Variants in CAB39 observed in about 807,000 individuals in gnomAD.
CAB39 encodes calcium-binding protein 39.
Under a neutral mutation model 40.0 loss-of-function variants are expected in CAB39, and 8 were observed. The ratio of observed to expected loss-of-function variants is 0.20; its 90% CI spans 0.12 to 0.36. The LOEUF is 0.36. Ranked by LOEUF, CAB39 falls within the 10% of genes least tolerant of loss-of-function variation. The pLI is 1.00. For missense variants in CAB39, 270 were observed against 401.1 expected, an observed-to-expected ratio of 0.67 and a Z score of 2.79; for synonymous variants, 156 against 141.6, an observed-to-expected ratio of 1.10 and a Z score of -0.72.
chr2:230,790,959 G>C lies in CAB39; in HGVS notation c.202G>C (p.Ala68Pro). 6.2e-7 allele frequency: 1 copy of C among 1,612,756 alleles called. No homozygotes were observed. Among genetic ancestry groups the C allele is most frequent in the Non-Finnish European group, 8.5e-7 (1 of 1,178,804 alleles). Residue 68 changes from alanine to proline, a missense_variant, in exon 3 of 9, where the codon GCT (alanine) becomes CCT (proline). Transcript: ENST00000258418. ...NEKEPQTEAV[A>P]QLAQELYNSG... ...AAAAGAGCCTCAGACAGAAGCAGTA[G>C]CTCAACTTGCTCAAGAACTCTATAA...
intron 4 of CAB39, among the ~76,000 whole-genome samples, chr2:230,797,345 T>A (rs902449430): frequency 6.6e-6 from 1 of 152,162 alleles, no homozygotes; most frequent in African/African-American, 2.4e-5. Flanking sequence ...TTAAATAATA[T>A]TTATGATTCA....
intron 5 of CAB39, among the ~76,000 whole-genome samples, chr2:230,805,328 A>G (rs1309031544): frequency 6.6e-6 from 1 of 152,148 alleles, no homozygotes; most frequent in Non-Finnish European, 1.5e-5. Context: ...GCAGCAAACC[A>G]ACATGGCACA....
At chr2:230,815,402 G>A (rs549137425) in intron 7 of CAB39, among the ~76,000 whole-genome samples, 4 of 152,298 alleles carry the variant, frequency 2.6e-5, no homozygotes, top group Admixed American at 2.0e-4. Context: ...CTGGACATCA[G>A]TGTGTGAGAG....
At chr2:230,765,121 G>A (rs1243234454) in intron 2 of CAB39, among the ~76,000 whole-genome samples, 1 of 152,030 alleles carries the variant, frequency 6.6e-6, no homozygotes, top group Non-Finnish European at 1.5e-5. Context: ...CAAGTAGCTG[G>A]GACTACAGGC....
intron 1 of CAB39, among the ~76,000 whole-genome samples, chr2:230,745,719 C>T (rs901618490): frequency 6.6e-6 from 1 of 152,022 alleles, no homozygotes; most frequent in Non-Finnish European, 1.5e-5. Context: ...CTCCACCTCC[C>T]GGGTTAAAGC....
chr2:230,723,517 G>C (rs367975652), intron 1 of CAB39, among the ~76,000 whole-genome samples: 1 of 152,080 alleles, frequency 6.6e-6, no homozygotes. Flanking sequence ...TACGTTCCTG[G>C]AGTGTGTTGC....
intron 2 of CAB39, among the ~76,000 whole-genome samples, chr2:230,773,862 G>A (rs1217961335): frequency 6.6e-6 from 1 of 152,192 alleles, no homozygotes; most frequent in Non-Finnish European, 1.5e-5. Flanking sequence ...ACAGTAAGTG[G>A]AAGCTGACTT....
At chr2:230,747,586 A>C (rs746861674) in intron 1 of CAB39, among the ~76,000 whole-genome samples, 15 of 152,264 alleles carry the variant, frequency 9.9e-5, no homozygotes, top group Non-Finnish European at 5.9e-5. Context: ...CACAGTGGTC[A>C]TTTTGCAGTT....
intron 1 of CAB39, among the ~76,000 whole-genome samples, chr2:230,748,326 T>C (rs937929638): frequency 1.3e-5 from 2 of 152,156 alleles, no homozygotes; most frequent in African/African-American, 4.8e-5. Flanking sequence ...GAGTCAAATT[T>C]TGATAGATGA....
intron 1 of CAB39, among the ~76,000 whole-genome samples, chr2:230,748,831 A>AATAT (rs71052546): frequency 0.025 from 694 of 28,316 alleles, 25 homozygotes; most frequent in South Asian, 0.033. Flanking sequence ...AAAAAAAAAA[A>AATAT]ATATATATAT....
intron 2 of CAB39, among the ~76,000 whole-genome samples, chr2:230,777,678 G>C (rs895601535): frequency 1.3e-5 from 2 of 151,920 alleles, no homozygotes; most frequent in Non-Finnish European, 2.9e-5. Flanking sequence ...CAAAGTGCTG[G>C]GATTACAGGT....
intron 4 of CAB39, among the ~76,000 whole-genome samples, chr2:230,794,524 T>C (rs1182266930): frequency 2.0e-5 from 3 of 152,218 alleles, no homozygotes; most frequent in African/African-American, 7.2e-5. Flanking sequence ...CATTTTTCAC[T>C]TCAGAGTAAT....
At chr2:230,742,171 G>T (rs538690472) in intron 1 of CAB39, among the ~76,000 whole-genome samples, 20 of 152,040 alleles carry the variant, frequency 1.3e-4, no homozygotes, top group Admixed American at 4.6e-4. Context: ...TTGTTTGTTT[G>T]TTTGTTTGTT....
chr2:230,772,945 C>A (rs1695510234), intron 2 of CAB39, among the ~76,000 whole-genome samples: 2 of 138,600 alleles, frequency 1.4e-5, no homozygotes, highest in African/African-American at 5.5e-5. Flanking sequence ...GATAAACCAA[C>A]TGTAGTACAT....
At chr2:230,773,364 T>C (rs1165121044) in intron 2 of CAB39, among the ~76,000 whole-genome samples, 1 of 145,012 alleles carries the variant, frequency 6.9e-6, no homozygotes, top group Admixed American at 6.9e-5. Flanking sequence ...TTAGGTACTT[T>C]AAATATGTGG....
chr2:230,752,326 G>C (rs1344828101), intron 1 of CAB39: 1 of 152,034 alleles, frequency 6.6e-6, no homozygotes, highest in Non-Finnish European at 1.5e-5. Flanking sequence ...CTCTGTCGTA[G>C]TCCATTTGTG....
At chr2:230,765,316 C>T (rs1695367520) in intron 2 of CAB39, among the ~76,000 whole-genome samples, 1 of 152,034 alleles carries the variant, frequency 6.6e-6, no homozygotes, top group Admixed American at 6.6e-5. Context: ...TAAAGTTTGG[C>T]GTCACTGCCT....
chr2:230,768,652 A>G (rs573869298), intron 2 of CAB39, among the ~76,000 whole-genome samples: 1 of 152,352 alleles, frequency 6.6e-6, no homozygotes, highest in East Asian at 1.9e-4. Flanking sequence ...TGACTAAATT[A>G]GGCACCAAAA....
intron 5 of CAB39, among the ~76,000 whole-genome samples, chr2:230,809,634 A>G (rs1041003977): frequency 2.6e-5 from 4 of 152,198 alleles, no homozygotes; most frequent in Non-Finnish European, 4.4e-5. Flanking sequence ...TGGGAAAGCT[A>G]TAGGGTGAGG....
Sources: gnomAD v4.1 joint callset for allele counts (sites outside exome capture counted in the v4.1 genomes callset) on GRCh38, gnomAD v4.1.1 for gene constraint, MANE v1.5 for transcripts, NCBI Gene and HGNC (gene_info 2026-07-23, HGNC 2026-07-21) for gene names.